The following MYO1D variants were observed in gnomAD, a reference collection of about 807,000 sequenced individuals.
MYO1D encodes unconventional myosin-Id.
In MYO1D, 83 loss-of-function variants were observed where a neutral mutation model predicts 122.0. The ratio of observed to expected loss-of-function variants is 0.68; its 90% CI spans 0.57 to 0.82. MYO1D has a LOEUF of 0.82. MYO1D is among the 40% of genes least tolerant of loss of function. MYO1D has a pLI of 0.00. For synonymous variants in MYO1D, 464 were observed against 446.9 expected (o/e 1.04, Z -0.48); for missense variants, 1,157 against 1,269.5 (o/e 0.91, Z 1.35).
intron 14 of MYO1D, among the ~76,000 whole-genome samples, chr17:32,730,531 G>A (rs2150997820): frequency 6.6e-6 from 1 of 152,056 alleles, no homozygotes; most frequent in East Asian, 1.9e-4. Flanking sequence ...CTCTGTTTTT[G>A]GTTTTTGTTT....
chr17:32,780,903 G>T, intron 1 of MYO1D, 119 bp from the exon 2 acceptor site: 1 of 985,366 alleles, frequency 1.0e-6, no homozygotes, highest in Non-Finnish European at 1.5e-6. Flanking sequence ...TTTCTGAACT[G>T]ACGTTTCATT....
intron 21 of MYO1D, among the ~76,000 whole-genome samples, chr17:32,576,723 A>G (rs1597907222): frequency 6.6e-6 from 1 of 152,312 alleles, no homozygotes; most frequent in South Asian, 2.1e-4. Context: ...TGGCATGATC[A>G]TAGCTCCCGG....
At chr17:32,798,021 A>G (rs2090433067) in intron 1 of MYO1D, among the ~76,000 whole-genome samples, 1 of 152,236 alleles carries the variant, frequency 6.6e-6, no homozygotes, top group Admixed American at 6.5e-5. Flanking sequence ...CCAATCATTT[A>G]ACCATCATCT....
chr17:32,689,176 T>C (rs2089062084), intron 16 of MYO1D, among the ~76,000 whole-genome samples: 1 of 152,204 alleles, frequency 6.6e-6, no homozygotes, highest in African/African-American at 2.4e-5. Flanking sequence ...ATATGTTGTT[T>C]ATAATCGATT....
chr17:32,567,539 A>G (rs1246353696), intron 21 of MYO1D, among the ~76,000 whole-genome samples: 1 of 152,212 alleles, frequency 6.6e-6, no homozygotes, highest in Non-Finnish European at 1.5e-5. Context: ...TTGTCTAGTA[A>G]GTAGCAGGGA....
chr17:32,552,644 G>A (rs116066086), intron 21 of MYO1D, among the ~76,000 whole-genome samples: 1,558 of 152,206 alleles, frequency 0.01, 16 homozygotes, highest in African/African-American at 0.034. Context: ...TACTGTGCTG[G>A]GTACTAGAGA....
At chr17:32,684,930 G>A (rs1263557345) in intron 16 of MYO1D, among the ~76,000 whole-genome samples, 1 of 152,154 alleles carries the variant, frequency 6.6e-6, no homozygotes, top group African/African-American at 2.4e-5. Context: ...GTTAGAGTAT[G>A]AAAATGTGGA....
intron 1 of MYO1D, among the ~76,000 whole-genome samples, chr17:32,781,156 A>C (rs896407231): frequency 6.6e-6 from 1 of 152,212 alleles, no homozygotes; most frequent in Admixed American, 6.5e-5. Context: ...AAATCCACTT[A>C]GTCAGATTTT....
intron 16 of MYO1D, among the ~76,000 whole-genome samples, chr17:32,676,219 T>C (rs2088806817): frequency 6.6e-6 from 1 of 152,154 alleles, no homozygotes; most frequent in African/African-American, 2.4e-5. Flanking sequence ...AAATCTACCA[T>C]ATAAATAGTT....
chr17:32,534,880 G>A lies in MYO1D; in HGVS notation c.2865-39965C>T, dbSNP rs184121206. On this transcript the variant is annotated intron_variant, in intron 21 of 21. Coordinates refer to ENST00000318217, the MANE Select transcript of MYO1D (RefSeq NM_015194.3). ...GTTAAATAAATCTTAAAAACCCCCA[G>A]CTGCTGTGCTTCAGTCAACAGGGAA... Among the ~76,000 whole-genome samples, 85 of 152,316 alleles carry A rather than the reference G, an allele frequency of 5.6e-4. 1 individual carries two copies. In the East Asian group the frequency reaches 8.5e-3, roughly 15 times the overall value.
intron 21 of MYO1D, among the ~76,000 whole-genome samples, chr17:32,535,640 A>G (rs1910640958): frequency 6.6e-6 from 1 of 152,170 alleles, no homozygotes; most frequent in Non-Finnish European, 1.5e-5. Flanking sequence ...AATCCCAGCT[A>G]CTCAGGAGGC....
intron 16 of MYO1D, among the ~76,000 whole-genome samples, chr17:32,663,213 G>A (rs920565990): frequency 5.3e-5 from 8 of 152,080 alleles, no homozygotes; most frequent in East Asian, 1.9e-4. Flanking sequence ...CACCGCACCC[G>A]GCAATTGTGC....
chr17:32,685,350 G>A (rs1035383895), intron 16 of MYO1D, among the ~76,000 whole-genome samples: 1 of 152,222 alleles, frequency 6.6e-6, no homozygotes, highest in African/African-American at 2.4e-5. Flanking sequence ...GGCCAAAGAT[G>A]ACATGAGAAA....
At chr17:32,803,081 A>G (rs1459963960) in intron 1 of MYO1D, among the ~76,000 whole-genome samples, 1 of 152,216 alleles carries the variant, frequency 6.6e-6, no homozygotes, top group Non-Finnish European at 1.5e-5. Context: ...TAAAGTAAGC[A>G]GCTGTTAACT....
At chr17:32,812,437 A>G (rs1319837981) in intron 1 of MYO1D, among the ~76,000 whole-genome samples, 1 of 152,266 alleles carries the variant, frequency 6.6e-6, no homozygotes, top group Non-Finnish European at 1.5e-5. Flanking sequence ...AGAGAGGTCT[A>G]GTAACTTGCA....
At chr17:32,871,055 T>C (rs1424702356) in intron 1 of MYO1D, among the ~76,000 whole-genome samples, 1 of 152,152 alleles carries the variant, frequency 6.6e-6, no homozygotes, top group Non-Finnish European at 1.5e-5. Context: ...TTCTCACATC[T>C]GGTCTTGAAG....
intron 16 of MYO1D, among the ~76,000 whole-genome samples, chr17:32,671,692 A>C (rs1476030302): frequency 6.6e-6 from 1 of 152,196 alleles, no homozygotes. Context: ...TAAAAATTGA[A>C]AATGATGGCA....
At chr17:32,576,182 G>A (rs2087277096) in intron 21 of MYO1D, among the ~76,000 whole-genome samples, 1 of 152,162 alleles carries the variant, frequency 6.6e-6, no homozygotes, top group Non-Finnish European at 1.5e-5. Context: ...AAAGAACTTT[G>A]GAGAACTTGC....
At chr17:32,777,670 G>T (rs905557565) in intron 3 of MYO1D, among the ~76,000 whole-genome samples, 5 of 152,168 alleles carry the variant, frequency 3.3e-5, no homozygotes, top group African/African-American at 1.2e-4. Flanking sequence ...GTTCGGCCGG[G>T]CGCGGTGGCA....
Sources: allele counts gnomAD v4.1 joint callset (sites outside exome capture counted in the v4.1 genomes callset), GRCh38; gene constraint gnomAD v4.1.1; transcripts MANE v1.5; gene names NCBI Gene and HGNC (gene_info 2026-07-23, HGNC 2026-07-21).